The following GABRG1 variants were observed in gnomAD, a reference collection of about 807,000 sequenced individuals.
The protein encoded by GABRG1 is gamma-aminobutyric acid receptor subunit gamma-1.
Under a neutral mutation model 49.8 loss-of-function variants are expected in GABRG1, and 49 were observed. The observed-to-expected ratio is 0.98, with a 90% CI of 0.78 to 1.25. GABRG1 has a LOEUF of 1.25. GABRG1 is among the 50% of genes most tolerant of loss of function. The pLI, the probability that GABRG1 is intolerant of heterozygous loss-of-function variation, is 0.00. For synonymous variants in GABRG1, 232 were observed against 185.1 expected, an observed-to-expected ratio of 1.25 and a Z score of -2.06; for missense variants, 552 against 552.3, an observed-to-expected ratio of 1.00 and a Z score of 0.01.
intron 2 of GABRG1, among the ~76,000 whole-genome samples, chr4:46,087,163 A>AT (rs532015575): frequency 1.3e-5 from 2 of 151,074 alleles, no homozygotes; most frequent in South Asian, 2.1e-4. Flanking sequence ...TCCTTTCTCT[A>AT]TTTTTTTTAA....
At chr4:46,079,088 T>C (rs530625269) in intron 3 of GABRG1, among the ~76,000 whole-genome samples, 1 of 151,950 alleles carries the variant, frequency 6.6e-6, no homozygotes, top group Non-Finnish European at 1.5e-5. Flanking sequence ...TTTTTTTCCT[T>C]TTGTAGAAAG....
Position 46,058,619 on chromosome 4 carries a change from C to G in GABRG1, c.629G>C (p.Gly210Ala), listed in dbSNP as rs1263013840. 6.2e-7 allele frequency: 1 copy of G among 1,609,626 alleles called. No homozygotes were observed. Among genetic ancestry groups the G allele is most frequent in the Non-Finnish European group, 8.5e-7 (1 of 1,177,684 alleles). ...HSCPLEFSSYGYPKNEIEYKW... is the reference protein window; with the variant it reads ...HSCPLEFSSYAYPKNEIEYKW... ...ATACTCAATTTCATTTTTAGGGTATCCATCTATAGAGAAAAAATACATAGA... is the reference window on the plus strand; with the variant it reads ...ATACTCAATTTCATTTTTAGGGTATGCATCTATAGAGAAAAAATACATAGA... The change falls in exon 6 of 9, where the codon GGA becomes GCA. Residue 210 changes from glycine to alanine, a missense_variant. Transcript: ENST00000295452.
chr4:46,088,939 G>T (rs1246865350), intron 2 of GABRG1, among the ~76,000 whole-genome samples: 1 of 151,568 alleles, frequency 6.6e-6, no homozygotes, highest in Non-Finnish European at 1.5e-5. Flanking sequence ...ACCTGCTCTT[G>T]CTCCCATACC....
At chr4:46,075,557 C>A (rs1290383274) in intron 3 of GABRG1, among the ~76,000 whole-genome samples, 1 of 151,954 alleles carries the variant, frequency 6.6e-6, no homozygotes, top group African/African-American at 2.4e-5. Context: ...AATCCCCTGG[C>A]CTGAGAACTT....
Position 46,083,481 on chromosome 4 carries a change from T to A in GABRG1, c.321+505A>T, listed in dbSNP as rs140770822. 5.3e-3 allele frequency among the ~76,000 whole-genome samples: 798 copies of A among 151,886 alleles called. 5 individuals are homozygous for A. Among genetic ancestry groups the A allele is most frequent in the African/African-American group, 0.019 (768 of 41,492 alleles). ...ACAATTTACAAGCTTCCTATTATGA[T>A]GGCTTACAAGACTGTCCTTGATAAG... On this transcript the variant is annotated intron_variant, in intron 3 of 8. Transcript: ENST00000295452.
chr4:46,095,794 T>C (rs1406196565), intron 2 of GABRG1, among the ~76,000 whole-genome samples: 1 of 151,854 alleles, frequency 6.6e-6, no homozygotes, highest in African/African-American at 2.4e-5. Context: ...TAGCAAAATA[T>C]ACCAATGATG....
chr4:46,115,694 A>G (rs1577672408), intron 1 of GABRG1, among the ~76,000 whole-genome samples: 1 of 150,804 alleles, frequency 6.6e-6, no homozygotes, highest in East Asian at 1.9e-4. Flanking sequence ...CCTTGGTAGG[A>G]TTGAAGATAT....
chr4:46,107,947 A>G (rs568649788), intron 1 of GABRG1, among the ~76,000 whole-genome samples: 104 of 151,382 alleles, frequency 6.9e-4, no homozygotes, highest in African/African-American at 2.5e-3. Context: ...ATGTTTATGT[A>G]TATGTGATAG....
At chr4:46,106,344 G>A (rs1382577062) in intron 1 of GABRG1, among the ~76,000 whole-genome samples, 1 of 151,264 alleles carries the variant, frequency 6.6e-6, no homozygotes, top group Non-Finnish European at 1.5e-5. Context: ...TGGGTCCCAG[G>A]GGATACCCCA....
intron 5 of GABRG1, among the ~76,000 whole-genome samples, chr4:46,060,143 T>C (rs985020675): frequency 2.0e-5 from 3 of 152,022 alleles, no homozygotes; most frequent in Non-Finnish European, 4.4e-5. Context: ...GTGAAAGAAA[T>C]TTGGGCTAAA....
intron 1 of GABRG1, among the ~76,000 whole-genome samples, chr4:46,117,878 A>G (rs1399938885): frequency 2.7e-5 from 1 of 36,754 alleles, no homozygotes; most frequent in Non-Finnish European, 4.2e-5. Context: ...ATATGTATAC[A>G]TGTGTATCTA....
At chr4:46,108,959 T>C (rs2109439339) in intron 1 of GABRG1, among the ~76,000 whole-genome samples, 2 of 151,188 alleles carry the variant, frequency 1.3e-5, no homozygotes, top group South Asian at 2.1e-4. Context: ...ACACCCATAG[T>C]GATGTTTTTA....
At chr4:46,104,457 G>A (rs1031696917) in intron 1 of GABRG1, among the ~76,000 whole-genome samples, 1 of 151,444 alleles carries the variant, frequency 6.6e-6, no homozygotes, top group Non-Finnish European at 1.5e-5. Flanking sequence ...ATCTTAGTTA[G>A]TTATTACATT....
chr4:46,098,307 G>A (rs1720257171), intron 1 of GABRG1, among the ~76,000 whole-genome samples: 4 of 151,662 alleles, frequency 2.6e-5, no homozygotes, highest in Non-Finnish European at 5.9e-5. Flanking sequence ...CTTCTTTTGA[G>A]TAAGGTCATT....
intron 1 of GABRG1, among the ~76,000 whole-genome samples, chr4:46,120,376 A>G (rs1410066922): frequency 2.6e-5 from 4 of 151,738 alleles, no homozygotes; most frequent in African/African-American, 4.8e-5. Context: ...TTTGAATGAA[A>G]TATCAAACAT....
intron 3 of GABRG1, among the ~76,000 whole-genome samples, chr4:46,077,054 A>G (rs1719374732): frequency 6.7e-6 from 1 of 150,228 alleles, no homozygotes; most frequent in Non-Finnish European, 1.5e-5. Context: ...GACATAGTAT[A>G]TCATTACTTT....
chr4:46,095,959 C>T (rs1391102428), intron 2 of GABRG1, among the ~76,000 whole-genome samples: 2 of 151,598 alleles, frequency 1.3e-5, no homozygotes, highest in African/African-American at 2.4e-5. Context: ...ATCTTTTTTG[C>T]TCCTCTCCTC....
At chr4:46,043,882 T>C (rs755148426) in intron 8 of GABRG1, among the ~76,000 whole-genome samples, 3 of 151,956 alleles carry the variant, frequency 2.0e-5, no homozygotes, top group Admixed American at 6.6e-5. Context: ...CACCAAAATA[T>C]ACTAATATCA....
intron 5 of GABRG1, among the ~76,000 whole-genome samples, chr4:46,060,025 TAC>T (rs1453909518): frequency 6.6e-6 from 1 of 152,212 alleles, no homozygotes. Context: ...TGTTTTTGTC[TAC>T]TTTGTAGCTG....
Sources: allele counts gnomAD v4.1 joint callset (sites outside exome capture counted in the v4.1 genomes callset), GRCh38; gene constraint gnomAD v4.1.1; transcripts MANE v1.5; gene names NCBI Gene and HGNC (gene_info 2026-07-23, HGNC 2026-07-21).